IGF2BP2: variants seen among roughly 807,000 people sequenced by gnomAD.
IGF2BP2 encodes the protein insulin-like growth factor 2 mRNA-binding protein 2.
In IGF2BP2, 17 loss-of-function variants were observed where a neutral mutation model predicts 75.8. That is an observed-to-expected ratio of 0.22 (90% CI 0.15 to 0.34). IGF2BP2 has a LOEUF of 0.34. IGF2BP2 is among the 10% of genes least tolerant of loss of function. IGF2BP2 has a pLI of 1.00. For synonymous variants in IGF2BP2, 288 were observed against 295.6 expected, an observed-to-expected ratio of 0.97 and a Z score of 0.26; for missense variants, 516 against 772.4, an observed-to-expected ratio of 0.67 and a Z score of 3.93.
chr3:185,696,114 C>G lies in IGF2BP2; in HGVS notation c.340+498G>C, dbSNP rs368326451. On this transcript the variant is annotated intron_variant, in intron 4 of 15. Coordinates refer to ENST00000382199, the MANE Select transcript of IGF2BP2 (RefSeq NM_006548.6). Reference sequence around the variant, plus strand: ...GGGTGCTTTTTTAAATATAGATTCACGAGCTCTTCCCTGCAAGACTCTTAC... The same window carrying G: ...GGGTGCTTTTTTAAATATAGATTCAGGAGCTCTTCCCTGCAAGACTCTTAC... Among the ~76,000 whole-genome samples, 20 of 152,184 alleles carry G rather than the reference C, an allele frequency of 1.3e-4. 1 individual carries two copies. The South Asian group carries it at 3.7e-3, about 28-fold the overall frequency.
chr3:185,669,287 G>T (rs1560260209), intron 10 of IGF2BP2, among the ~76,000 whole-genome samples: 1 of 151,992 alleles, frequency 6.6e-6, no homozygotes, highest in Non-Finnish European at 1.5e-5. Context: ...AATGAATCAA[G>T]ATGTATACAC....
chr3:185,654,593 C>T (rs1232498179), intron 12 of IGF2BP2, among the ~76,000 whole-genome samples: 2 of 152,190 alleles, frequency 1.3e-5, no homozygotes, highest in Non-Finnish European at 2.9e-5. Flanking sequence ...CTGGCACTGG[C>T]CAGCCTAGTC....
At chr3:185,655,790 C>T (rs1050812493) in intron 12 of IGF2BP2, among the ~76,000 whole-genome samples, 3 of 152,208 alleles carry the variant, frequency 2.0e-5, no homozygotes, top group African/African-American at 7.2e-5. Context: ...ACACACTAGA[C>T]CAGAAACAGG....
chr3:185,699,196 AAATAAT>A (rs202099518), intron 2 of IGF2BP2, among the ~76,000 whole-genome samples: 8 of 152,208 alleles, frequency 5.3e-5, no homozygotes, highest in African/African-American at 9.6e-5. Context: ...CAACAAGCTA[AAATAAT>A]AATAATAATA....
At chr3:185,672,458 G>T in intron 10 of IGF2BP2, 83 bp downstream of exon 10, 1 of 1,383,414 alleles carries the variant, frequency 7.2e-7, no homozygotes, top group Admixed American at 2.3e-5. Context: ...GAAAGCTTCC[G>T]TTCTGATTCC....
intron 2 of IGF2BP2, among the ~76,000 whole-genome samples, chr3:185,806,328 T>C (rs4686393): frequency 0.046 from 7,052 of 152,300 alleles, 184 homozygotes; most frequent in South Asian, 0.099. Flanking sequence ...GACTAAAATA[T>C]ATAGACTATA....
At chr3:185,675,750 G>A (rs1224903392) in intron 8 of IGF2BP2, 41 bp downstream of exon 8, 2 of 1,604,566 alleles carry the variant, frequency 1.2e-6, no homozygotes, top group African/African-American at 2.7e-5. Context: ...ATGCTCAGGT[G>A]TTCCATTATT....
At chr3:185,788,277 T>G (rs940179951) in intron 2 of IGF2BP2, among the ~76,000 whole-genome samples, 1 of 152,146 alleles carries the variant, frequency 6.6e-6, no homozygotes, top group Non-Finnish European at 1.5e-5. Flanking sequence ...CCCAACACTT[T>G]GGGAGGCCGA....
At chr3:185,819,416 A>C (rs1040618586) in intron 2 of IGF2BP2, among the ~76,000 whole-genome samples, 3 of 152,158 alleles carry the variant, frequency 2.0e-5, no homozygotes, top group Admixed American at 6.5e-5. Context: ...ATTTAAAAGC[A>C]TCAAATAACC....
intron 2 of IGF2BP2, among the ~76,000 whole-genome samples, chr3:185,793,461 C>A (rs555499374): frequency 1.3e-5 from 2 of 152,292 alleles, no homozygotes; most frequent in East Asian, 3.9e-4. Context: ...ATGCTGACCA[C>A]AATGGCACTG....
At chr3:185,681,024 C>T (rs1358345483) in intron 7 of IGF2BP2, among the ~76,000 whole-genome samples, 1 of 152,128 alleles carries the variant, frequency 6.6e-6, no homozygotes, top group Non-Finnish European at 1.5e-5. Context: ...CCTCTAAGAC[C>T]AGGAACAAGG....
intron 2 of IGF2BP2, among the ~76,000 whole-genome samples, chr3:185,732,164 A>G (rs1235420362): frequency 6.6e-6 from 1 of 152,186 alleles, no homozygotes; most frequent in Non-Finnish European, 1.5e-5. Flanking sequence ...TTTTCTATAC[A>G]CTAAGCACAT....
At chr3:185,758,040 CAT>C (rs1731873219) in intron 2 of IGF2BP2, among the ~76,000 whole-genome samples, 1 of 152,208 alleles carries the variant, frequency 6.6e-6, no homozygotes, top group African/African-American at 2.4e-5. Context: ...TTGTCTTTTT[CAT>C]AGAGAATGTG....
chr3:185,815,453 C>T lies in IGF2BP2; in HGVS notation c.239+7700G>A, dbSNP rs1271523546. 6.6e-5 allele frequency among the ~76,000 whole-genome samples: 10 copies of T among 152,212 alleles called. No homozygotes were observed. In the East Asian group the frequency reaches 1.9e-3, roughly 29 times the overall value. ...AATGAGATGGACAACAAGCCACTGC[C>T]TTCTGAAGTTCTGGTCAGGAGCAAG... On this transcript the variant is annotated intron_variant, in intron 2 of 15. Coordinates refer to ENST00000382199, the MANE Select transcript of IGF2BP2 (RefSeq NM_006548.6).
intron 2 of IGF2BP2, among the ~76,000 whole-genome samples, chr3:185,810,468 T>C (rs1199077942): frequency 6.6e-6 from 1 of 152,218 alleles, no homozygotes; most frequent in Non-Finnish European, 1.5e-5. Flanking sequence ...ATTTGCCTTA[T>C]ATCAGACATT....
intron 7 of IGF2BP2, among the ~76,000 whole-genome samples, chr3:185,676,811 A>AAATATATATATATTTACT (rs1213576147): frequency 2.1e-5 from 3 of 144,370 alleles, no homozygotes; most frequent in Non-Finnish European, 3.0e-5. Context: ...TATTTACTGG[A>AAATATATATATATTTACT]GATATATATA....
intron 2 of IGF2BP2, among the ~76,000 whole-genome samples, chr3:185,726,418 G>A (rs1727333731): frequency 6.6e-6 from 1 of 152,196 alleles, no homozygotes; most frequent in African/African-American, 2.4e-5. Context: ...CTGTGGGTCT[G>A]GAAGCGGGAA....
intron 7 of IGF2BP2, among the ~76,000 whole-genome samples, chr3:185,686,192 T>C (rs1374087289): frequency 6.6e-6 from 1 of 152,142 alleles, no homozygotes; most frequent in Admixed American, 6.5e-5. Flanking sequence ...GAGACTAGCC[T>C]GGCCAACATG....
At chr3:185,766,067 G>A (rs1218703264) in intron 2 of IGF2BP2, among the ~76,000 whole-genome samples, 1 of 152,116 alleles carries the variant, frequency 6.6e-6, no homozygotes, top group Non-Finnish European at 1.5e-5. Flanking sequence ...AAAATGTGGA[G>A]GTTCTAAGAA....
Sources: gnomAD v4.1 joint callset for allele counts (sites outside exome capture counted in the v4.1 genomes callset) on GRCh38, gnomAD v4.1.1 for gene constraint, MANE v1.5 for transcripts, NCBI Gene and HGNC (gene_info 2026-07-23, HGNC 2026-07-21) for gene names.